The following C11orf21 variants were observed in gnomAD, a reference collection of about 807,000 sequenced individuals.
The protein encoded by C11orf21 is chromosome 11 open reading frame 21.
In C11orf21, 19 loss-of-function variants were observed where a neutral mutation model predicts 15.2. The observed-to-expected ratio is 1.25, with a 90% CI of 0.87 to 1.84. C11orf21 has a LOEUF of 1.84. Ranked by LOEUF, C11orf21 falls within the 40% of genes most tolerant of loss-of-function variation. The pLI is 0.00. For missense variants in C11orf21, 171 were observed against 174.4 expected, an observed-to-expected ratio of 0.98 and a Z score of 0.11; for synonymous variants, 62 against 66.8, an observed-to-expected ratio of 0.93 and a Z score of 0.35.
At chr11:2,302,105 C>CAGGGAGGGGA (rs1440882302), upstream of C11orf21, 11 of 1,485,636 alleles carry the variant, frequency 7.4e-6, no homozygotes, top group African/African-American at 5.7e-5. Flanking sequence ...CTGGAAACCA[C>CAGGGAGGGGA]AGGGAGGGGA....
chr11:2,301,641 T>C, intron 1 of C11orf21, 115 bp downstream of exon 1: 1 of 879,888 alleles, frequency 1.1e-6, no homozygotes, highest in Non-Finnish European at 1.7e-6. Flanking sequence ...TCAAAGGGTG[T>C]TTCCTAAGAA....
At chr11:2,302,190 T>C (rs1390124154), upstream of C11orf21, 1 of 1,396,686 alleles carries the variant, frequency 7.2e-7, no homozygotes, top group East Asian at 2.6e-5. Context: ...AAATGCCAGA[T>C]GCTGGTCACC....
Position 2,301,854 on chromosome 11 carries a change from G to T in C11orf21, c.-46C>A. 6.4e-7 allele frequency: 1 copy of T among 1,550,424 alleles called. No individual in the cohort carries two copies. Among genetic ancestry groups the T allele is most frequent in the Non-Finnish European group, 8.7e-7 (1 of 1,146,926 alleles). ...CGTCCTCAGTGGCCACACCAAGAAC[G>T]AGGCCATGTCTTCCTGGGAAGGGCC... On this transcript the variant is annotated 5_prime_UTR_variant, in exon 1 of 4. It introduces an in-frame stop codon into an upstream open reading frame of the 5' UTR. Coordinates refer to ENST00000381153, the MANE Select transcript of C11orf21 (RefSeq NM_001329958.2).
intron 3 of C11orf21, among the ~76,000 whole-genome samples, chr11:2,298,764 C>T (rs897019166): frequency 2.0e-5 from 3 of 152,196 alleles, no homozygotes; most frequent in Admixed American, 2.0e-4. Flanking sequence ...CCCCTACAGT[C>T]TGTCCCTGGT....
chr11:2,298,638 C>T (rs989170708), intron 3 of C11orf21, among the ~76,000 whole-genome samples: 3 of 152,186 alleles, frequency 2.0e-5, no homozygotes, highest in Non-Finnish European at 4.4e-5. Context: ...CCTCCACCCC[C>T]ACGGGGTGCC....
At chr11:2,298,077 G>A (rs972173408) in intron 3 of C11orf21, among the ~76,000 whole-genome samples, 156 bp from the exon 4 acceptor site, 8 of 152,170 alleles carry the variant, frequency 5.3e-5, no homozygotes, top group African/African-American at 1.7e-4. Flanking sequence ...TCATTGCGGG[G>A]CAGGGCTTCA....
chr11:2,299,894 C>T (rs1032031359), intron 2 of C11orf21, among the ~76,000 whole-genome samples, 187 bp from the exon 3 acceptor site: 5 of 151,212 alleles, frequency 3.3e-5, no homozygotes, highest in African/African-American at 1.2e-4. Context: ...CCAATCTCTT[C>T]CCTGGAAATA....
At chr11:2,302,188 G>A (rs142403358), upstream of C11orf21, 51 of 1,412,392 alleles carry the variant, frequency 3.6e-5, no homozygotes, top group Non-Finnish European at 4.6e-5. Context: ...CCAAATGCCA[G>A]ATGCTGGTCA....
At chr11:2,301,940 T>G (rs1425000372), upstream of C11orf21, 46 of 1,510,150 alleles carry the variant, frequency 3.0e-5, no homozygotes, top group Non-Finnish European at 4.1e-5. Context: ...GGTGAGGTGG[T>G]GGGGGGAGCC....
At chr11:2,300,151 T>G (rs1589785178) in intron 2 of C11orf21, among the ~76,000 whole-genome samples, 1 of 21,004 alleles carries the variant, frequency 4.8e-5, no homozygotes, top group Admixed American at 6.9e-4. Flanking sequence ...GTGTGTGGGG[T>G]GGGCAGGGGC....
At chr11:2,301,014 G>T in intron 1 of C11orf21, 2 of 537,092 alleles carry the variant, frequency 3.7e-6, no homozygotes, top group South Asian at 4.1e-5. Context: ...ATTCCTGGGG[G>T]CCAGAGCTGC....
chr11:2,301,499 C>T lies in C11orf21; in HGVS notation c.53+257G>A, dbSNP rs1422567978. On this transcript the variant is annotated intron_variant, in intron 1 of 3. Transcript: ENST00000381153. ...ACAAAGCCTCCCCCTGGAGGCCCCA[C>T]GTGAGTGTGAGCGAGGCCCCAGCCC... The T allele has an allele frequency of 1.2e-5, 5 of 425,676 alleles. No homozygotes were observed. In the Admixed American group the frequency reaches 1.2e-4, roughly 10 times the overall value. 26.4% of individuals were successfully genotyped at this position (425,676 alleles called of 1,614,324 possible).
At chr11:2,299,180 C>T (rs1369371679) in intron 3 of C11orf21, among the ~76,000 whole-genome samples, 1 of 152,214 alleles carries the variant, frequency 6.6e-6, no homozygotes, top group East Asian at 1.9e-4. Flanking sequence ...GGGAGCTGCC[C>T]TCCTCCTCCC....
chr11:2,299,328 C>T (rs16928079), intron 3 of C11orf21, 100 bp downstream of exon 3: 148,882 of 1,281,028 alleles, frequency 0.12, 9,744 homozygotes, highest in African/African-American at 0.24. Flanking sequence ...CTCGCTGTGA[C>T]GCAGGTGGGA....
At chr11:2,303,012 G>A, upstream of C11orf21, 2 of 1,495,634 alleles carry the variant, frequency 1.3e-6, no homozygotes, top group Non-Finnish European at 9.2e-7. Context: ...TGCAAGGGTG[G>A]CTGGCACGAG....
Position 2,300,575 on chromosome 11 carries a change from C to T in C11orf21, c.92G>A (p.Gly31Asp), listed in dbSNP as rs763452201. The change falls in exon 2 of 4, where the codon GGC becomes GAC. Residue 31 changes from glycine to aspartate, a missense_variant. Physicochemically the swap from Gly to Asp is moderately conservative, Grantham distance 94. Coordinates refer to ENST00000381153, the MANE Select transcript of C11orf21 (RefSeq NM_001329958.2). ...PRWPHLSSQSGVEPPDRWTGT... is the reference protein window; with the variant it reads ...PRWPHLSSQSDVEPPDRWTGT... ...CGTCCACCTGTCAGGGGGTTCGACG[C>T]CACTTTGAGATGACAAGTGAGGCCA... The T allele has an allele frequency of 5.2e-6, 8 of 1,550,012 alleles. No individual in the cohort carries two copies. The South Asian group carries it at 9.5e-5, about 18-fold the overall frequency.
rs1479155365 is a variant in C11orf21, at chr11:2,299,710, G to A, written c.148-3C>T. 2 of 1,550,802 alleles carry A rather than the reference G, an allele frequency of 1.3e-6. No individual in the cohort carries two copies. The highest frequency in any genetic ancestry group is 2.7e-5 in the African/African-American group (2 of 73,032). ...GGCATCATTGAGCCAGGGGCCTCCTGGTGGGTAAGGACATTGTAGAGTGAG... is the reference window on the plus strand; with the variant it reads ...GGCATCATTGAGCCAGGGGCCTCCTAGTGGGTAAGGACATTGTAGAGTGAG... On this transcript the variant is annotated splice_region_variant and splice_polypyrimidine_tract_variant and intron_variant, in intron 2 of 3. Transcript: ENST00000381153.
intron 3 of C11orf21, 82 bp downstream of exon 3, chr11:2,299,346 G>C: frequency 7.1e-7 from 1 of 1,409,794 alleles, no homozygotes; most frequent in South Asian, 1.4e-5. Context: ...GGAAGCTCTT[G>C]AGTGCCTCCC....
At chr11:2,298,677 G>C (rs933435530) in intron 3 of C11orf21, among the ~76,000 whole-genome samples, 1 of 152,212 alleles carries the variant, frequency 6.6e-6, no homozygotes, top group African/African-American at 2.4e-5. Context: ...GGGTGGCCCA[G>C]GCAGGACAGC....
Sources: allele counts gnomAD v4.1 joint callset (sites outside exome capture counted in the v4.1 genomes callset), GRCh38; gene constraint gnomAD v4.1.1; transcripts MANE v1.5; gene names NCBI Gene and HGNC (gene_info 2026-07-23, HGNC 2026-07-21).